The following PLAC1 variants were observed in gnomAD, a reference collection of about 807,000 sequenced individuals.
PLAC1 encodes the protein placenta associated 1.
For synonymous variants in PLAC1, 68 were observed against 62.1 expected (o/e 1.09, Z -0.44); for missense variants, 136 against 163.2 (o/e 0.83, Z 0.91).
At chrX:134,669,745 T>C (rs901903265) in intron 2 of PLAC1, among the ~76,000 whole-genome samples, 1 of 112,290 alleles carries the variant, frequency 8.9e-6, no homozygotes, top group African/African-American at 3.2e-5. Flanking sequence ...GCTTGGTGTT[T>C]CTGGAGCTGG....
At chrX:134,587,925 G>A (rs2078013855) in intron 2 of PLAC1, among the ~76,000 whole-genome samples, 1 of 111,480 alleles carries the variant, frequency 9.0e-6, no homozygotes, top group Non-Finnish European at 1.9e-5. Context: ...CCTCCAAACT[G>A]TAAGAAAAAG....
chrX:134,740,071 A>G (rs10126649), intron 1 of PLAC1, among the ~76,000 whole-genome samples: 4,996 of 111,739 alleles, frequency 0.045, 86 homozygotes, highest in African/African-American at 0.064. Flanking sequence ...TAATCCCAGC[A>G]CTTTGTGAGG....
At chrX:134,732,160 A>G (rs2147843450) in intron 2 of PLAC1, among the ~76,000 whole-genome samples, 1 of 111,308 alleles carries the variant, frequency 9.0e-6, no homozygotes, top group East Asian at 2.8e-4. Context: ...ACCCTACCTC[A>G]CTGCATGCAG....
chrX:134,623,520 A>C (rs2124410454), intron 1 of PLAC1, among the ~76,000 whole-genome samples: 1 of 112,432 alleles, frequency 8.9e-6, no homozygotes, highest in South Asian at 3.7e-4. Context: ...TATTATTCGT[A>C]TTTTACAGAT....
At chrX:134,711,645 C>T (rs904175965) in intron 2 of PLAC1, among the ~76,000 whole-genome samples, 1 of 112,092 alleles carries the variant, frequency 8.9e-6, no homozygotes, top group Admixed American at 9.5e-5. Context: ...TTCTCTCTGT[C>T]GCTTTACATG....
At chrX:134,697,902 C>T (rs2078570304) in intron 2 of PLAC1, among the ~76,000 whole-genome samples, 1 of 111,207 alleles carries the variant, frequency 9.0e-6, no homozygotes, top group Admixed American at 9.5e-5. Context: ...AAACTACCAT[C>T]ATGACCCTAT....
At chrX:134,652,671 G>A (rs1051423798) in intron 1 of PLAC1, among the ~76,000 whole-genome samples, 1 of 111,603 alleles carries the variant, frequency 9.0e-6, no homozygotes, top group Admixed American at 9.6e-5. Context: ...CTGTGCCTCA[G>A]TTTCCACATC....
intron 2 of PLAC1, among the ~76,000 whole-genome samples, chrX:134,722,847 A>T (rs1171692771): frequency 9.0e-6 from 1 of 110,924 alleles, no homozygotes; most frequent in African/African-American, 3.3e-5. Flanking sequence ...TAAATATATT[A>T]AAAAATTAGA....
At chrX:134,662,741 T>A (rs2078420878), upstream of PLAC1, among the ~76,000 whole-genome samples, 1 of 111,815 alleles carries the variant, frequency 8.9e-6, no homozygotes, top group Non-Finnish European at 1.9e-5. Context: ...ACTAGCCTGC[T>A]CAACATGATA....
intron 1 of PLAC1, among the ~76,000 whole-genome samples, chrX:134,621,489 G>A (rs2078210958): frequency 9.5e-6 from 1 of 105,673 alleles, no homozygotes; most frequent in African/African-American, 3.5e-5. Flanking sequence ...GAAAATCCTC[G>A]GTCTTGTTTG....
At chrX:134,634,303 G>A (rs899134716) in intron 1 of PLAC1, among the ~76,000 whole-genome samples, 9 of 112,132 alleles carry the variant, frequency 8.0e-5, no homozygotes, top group Non-Finnish European at 1.7e-4. Context: ...GCCTAACTGG[G>A]TAGCTGGTAC....
intron 1 of PLAC1, among the ~76,000 whole-genome samples, chrX:134,753,845 C>T (rs1368872139): frequency 8.9e-6 from 1 of 111,790 alleles, no homozygotes; most frequent in African/African-American, 3.3e-5. Context: ...GTAATTGAAA[C>T]AGGACTTCTG....
chrX:134,620,194 G>A (rs1245085366), intron 1 of PLAC1, among the ~76,000 whole-genome samples: 20 of 112,528 alleles, frequency 1.8e-4, no homozygotes, highest in Admixed American at 1.8e-3. Flanking sequence ...AAACTAAGTA[G>A]ATACTGGCTG....
At chrX:134,688,511 T>C (rs901798667) in intron 2 of PLAC1, among the ~76,000 whole-genome samples, 1 of 112,372 alleles carries the variant, frequency 8.9e-6, no homozygotes, top group Admixed American at 9.4e-5. Context: ...ACAAGGACAC[T>C]AAATCCTTCT....
At chrX:134,757,964 C>T (rs905882898) in intron 1 of PLAC1, among the ~76,000 whole-genome samples, 4 of 111,127 alleles carry the variant, frequency 3.6e-5, no homozygotes, top group African/African-American at 9.8e-5. Context: ...TTGCAGCATA[C>T]AAAATCAATG....
At chrX:134,748,187 G>A (rs1279770360) in intron 1 of PLAC1, among the ~76,000 whole-genome samples, 1 of 110,622 alleles carries the variant, frequency 9.0e-6, no homozygotes, top group Non-Finnish European at 1.9e-5. Context: ...AAAATTAGCC[G>A]GGCATGGTGG....
chrX:134,623,537 C>A (rs1569390527), intron 1 of PLAC1, among the ~76,000 whole-genome samples: 1 of 112,369 alleles, frequency 8.9e-6, no homozygotes, highest in East Asian at 2.8e-4. Context: ...AGATTAGGAA[C>A]CTGAGGCACA....
chrX:134,566,710 C>G lies in PLAC1; in HGVS notation c.-28G>C. ...CTGCAGCCAATCAGATAATGAACCACAGGAAACAGGAAGCCGTCCAGTGAG... is the reference window on the plus strand; with the variant it reads ...CTGCAGCCAATCAGATAATGAACCAGAGGAAACAGGAAGCCGTCCAGTGAG... On this transcript the variant is annotated 5_prime_UTR_variant, in exon 3 of 3. Coordinates refer to ENST00000359237, the MANE Select transcript of PLAC1 (RefSeq NM_021796.4). 2 of 1,124,719 alleles carry G rather than the reference C, an allele frequency of 1.8e-6. No individual in the cohort carries two copies. The highest frequency in any genetic ancestry group is 2.4e-6 in the Non-Finnish European group (2 of 837,984). The allele number at this position is 1,124,719 out of a possible 1,213,427, so 92.7% of individuals were successfully genotyped here. A position where few individuals can be genotyped will look rare whatever the true frequency, so the allele number is the denominator to read the frequency against.
At chrX:134,597,951 C>T (rs945699948) in intron 2 of PLAC1, among the ~76,000 whole-genome samples, 8 of 111,735 alleles carry the variant, frequency 7.2e-5, no homozygotes, top group East Asian at 5.6e-4. Flanking sequence ...AGGGAACTCA[C>T]GAACTCATGT....
Sources: gnomAD v4.1 joint callset for allele counts (sites outside exome capture counted in the v4.1 genomes callset) on GRCh38, gnomAD v4.1.1 for gene constraint, MANE v1.5 for transcripts, NCBI Gene and HGNC (gene_info 2026-07-23, HGNC 2026-07-21) for gene names.